The following POTEJ variants were observed in gnomAD, a reference collection of about 807,000 sequenced individuals.
POTEJ encodes the protein POTE ankyrin domain family, member J.
In POTEJ, 11 loss-of-function variants were observed where a neutral mutation model predicts 69.0. The ratio of observed to expected loss-of-function variants is 0.16; its 90% CI spans 0.10 to 0.26. The LOEUF (loss-of-function observed/expected upper bound fraction) is 0.26, where lower values mean the gene tolerates loss of function less well. Among genes scored for constraint, POTEJ ranks in the 10% least tolerant of loss-of-function variants. The pLI is 1.00. For missense variants in POTEJ, 327 were observed against 1,045.5 expected (o/e 0.31, Z 9.48); for synonymous variants, 117 against 381.1 (o/e 0.31, Z 8.07).
chr2:130,634,209 GC>G (rs1489183661), intron 9 of POTEJ, among the ~76,000 whole-genome samples: 1 of 152,220 alleles, frequency 6.6e-6, no homozygotes, highest in African/African-American at 2.4e-5. Flanking sequence ...GGAAGGTGCT[GC>G]AAGTGAAGTG....
At chr2:130,621,364 A>C (rs879874114) in intron 4 of POTEJ, 102 bp from the exon 5 acceptor site, 1 of 1,241,286 alleles carries the variant, frequency 8.1e-7, no homozygotes, top group South Asian at 1.6e-5. Context: ...AGTGCATGTA[A>C]ATGTTTGATT....
rs531320324 is a variant in POTEJ, at chr2:130,656,941, C to G, written c.2181C>G (p.Ile727Met). 9 of 1,603,774 alleles carry G rather than the reference C, an allele frequency of 5.6e-6. No individual in the cohort carries two copies. In the African/African-American group the frequency reaches 7.1e-5, roughly 13 times the overall value. Reference sequence around the variant, plus strand: ...AGGAGGCCCAGAGCAAGAGAGGCATCCTGACCCTGAAGTACCCCATGGAAC... The same window carrying G: ...AGGAGGCCCAGAGCAAGAGAGGCATGCTGACCCTGAAGTACCCCATGGAAC... ...VGKEAQSKRG[I>M]LTLKYPMEHG... The change falls in exon 15 of 15, where the codon ATC (isoleucine) becomes ATG (methionine). Residue 727 changes from isoleucine to methionine, a missense_variant. By Grantham distance (10) the Ile-to-Met change is conservative. Transcript: ENST00000409602.
At chr2:130,624,868 G>T (rs1424923365) in intron 6 of POTEJ, among the ~76,000 whole-genome samples, 1 of 152,112 alleles carries the variant, frequency 6.6e-6, no homozygotes. Flanking sequence ...GGAACAAGAT[G>T]TGTTCTCCTA....
chr2:130,632,052 G>A lies in POTEJ; in HGVS notation c.1132-438G>A, dbSNP rs557802411. 6.2e-5 allele frequency among the ~76,000 whole-genome samples: 9 copies of A among 145,220 alleles called. 1 individual carries two copies. The South Asian group carries it at 1.3e-3, about 20-fold the overall frequency. ...AAACTTCCTTTCTATTCCTGAAGCC[G>A]CACAGTGTGTCATCCTCTAAATCTG... On this transcript the variant is annotated intron_variant, in intron 8 of 14. Coordinates refer to ENST00000409602, the MANE Select transcript of POTEJ (RefSeq NM_001277083.2).
chr2:130,641,478 T>C lies in POTEJ; in HGVS notation c.1370-2505T>C, dbSNP rs913961532. On this transcript the variant is annotated intron_variant, in intron 10 of 14. Transcript: ENST00000409602. ...TTTTAAATAGAAGTCATTTTGTAAA[T>C]GTTTGTGTTCCCAGTGGCAGTGGGA... Among the ~76,000 whole-genome samples, 11 of 148,846 alleles carry C rather than the reference T, an allele frequency of 7.4e-5. 1 individual carries two copies. The highest frequency in any genetic ancestry group is 2.2e-4 in the African/African-American group (9 of 40,726).
chr2:130,649,485 A>T (rs1330738449), intron 13 of POTEJ, among the ~76,000 whole-genome samples: 4 of 151,586 alleles, frequency 2.6e-5, no homozygotes, highest in Admixed American at 6.6e-5. Flanking sequence ...TGCAGTTTAG[A>T]TGAGTGTCAT....
At chr2:130,615,585 C>A (rs544121018) in intron 1 of POTEJ, among the ~76,000 whole-genome samples, 1 of 140,592 alleles carries the variant, frequency 7.1e-6, no homozygotes, top group Non-Finnish European at 1.5e-5. Context: ...AGGGAAGGAA[C>A]ACACACTGGG....
At chr2:130,625,476 T>G (rs1473676692) in intron 6 of POTEJ, among the ~76,000 whole-genome samples, 1 of 151,940 alleles carries the variant, frequency 6.6e-6, no homozygotes, top group Non-Finnish European at 1.5e-5. Context: ...TTATTATATA[T>G]TGATTATGTG....
At chr2:130,633,729 C>G (rs935047735) in intron 9 of POTEJ, among the ~76,000 whole-genome samples, 10 of 142,986 alleles carry the variant, frequency 7.0e-5, no homozygotes, top group Non-Finnish European at 1.5e-4. Flanking sequence ...AAATATTGGA[C>G]CCTCAATCTG....
At position 130,625,067 on chromosome 2, in the gene POTEJ, A is replaced by G. The variant is rs1206256981; in HGVS notation, c.1015+933A>G. 8.5e-5 allele frequency among the ~76,000 whole-genome samples: 13 copies of G among 152,270 alleles called. No homozygotes were observed. In the East Asian group the frequency reaches 2.3e-3, roughly 27 times the overall value. On this transcript the variant is annotated intron_variant, in intron 6 of 14. Transcript: ENST00000409602. ...TGCTACCTGGTTGTGGACACCTAATACATTATATAGTCCAAACTGTATGAG... is the reference window on the plus strand; with the variant it reads ...TGCTACCTGGTTGTGGACACCTAATGCATTATATAGTCCAAACTGTATGAG...
chr2:130,643,033 GT>G (rs1686449658), intron 10 of POTEJ, among the ~76,000 whole-genome samples: 1 of 148,996 alleles, frequency 6.7e-6, no homozygotes, highest in South Asian at 2.1e-4. Context: ...AACAAAGACT[GT>G]TTTTACAAAG....
rs188747320 is a variant in POTEJ at position 130,615,591 on chromosome 2, C to T, written c.411-1199C>T. ...GATACCTAGAGGGAAGGAACACACA[C>T]TGGGGCCTATCAGAGGGTGGAGGGT... On this transcript the variant is annotated intron_variant, in intron 1 of 14. Transcript: ENST00000409602. Among the ~76,000 whole-genome samples, 735 of 140,570 alleles carry T rather than the reference C, an allele frequency of 5.2e-3. 1 individual carries two copies. Among genetic ancestry groups the T allele is most frequent in the Non-Finnish European group, 7.8e-3 (510 of 65,344 alleles). 92.2% of individuals were successfully genotyped at this position (140,570 alleles called of 152,430 possible).
chr2:130,655,886 C>T (rs1454665308), intron 14 of POTEJ, among the ~76,000 whole-genome samples: 12 of 135,440 alleles, frequency 8.9e-5, no homozygotes, highest in Admixed American at 5.3e-4. Flanking sequence ...TTTTAAGAAT[C>T]GCGATCTTAA....
chr2:130,630,941 C>G (rs2105221880), intron 7 of POTEJ, among the ~76,000 whole-genome samples: 1 of 143,972 alleles, frequency 6.9e-6, no homozygotes, highest in East Asian at 1.9e-4. Flanking sequence ...GCCTACAATC[C>G]AGTTAGGAAT....
At position 130,647,021 on chromosome 2, in the gene POTEJ, A is replaced by T. The variant is rs1315026606; in HGVS notation, c.1667+711A>T. On this transcript the variant is annotated intron_variant, in intron 13 of 14. Transcript: ENST00000409602. ...GTATAGATATGTTATATGTATACTT[A>T]TGTATAAGGACATTTATTATAGTAT... Among the ~76,000 whole-genome samples, 17 of 150,246 alleles carry T rather than the reference A, an allele frequency of 1.1e-4. No individual in the cohort carries two copies. In the South Asian group the frequency reaches 3.3e-3, roughly 29 times the overall value.
upstream of POTEJ, chr2:130,611,424 T>A (rs1393989095): frequency 3.1e-5 from 16 of 516,370 alleles, no homozygotes; most frequent in Admixed American, 5.8e-4. Context: ...TGGGATTGAC[T>A]TTTCTCTTCA....
chr2:130,649,221 G>C lies in POTEJ; in HGVS notation c.1667+2911G>C, dbSNP rs1486658836. On this transcript the variant is annotated intron_variant, in intron 13 of 14. Coordinates refer to ENST00000409602, the MANE Select transcript of POTEJ (RefSeq NM_001277083.2). ...TGACATCTCTATTTGATTAGCTGTT[G>C]GGTATCACACACTTGTCAGATCCAA... Among the ~76,000 whole-genome samples the C allele has an allele frequency of 7.3e-5, 11 of 150,564 alleles. No individual in the cohort carries two copies. In the East Asian group the frequency reaches 1.5e-3, roughly 21 times the overall value.
rs1483790230 is a variant in POTEJ, at chr2:130,647,163, G to A, written c.1667+853G>A. On this transcript the variant is annotated intron_variant, in intron 13 of 14. Coordinates refer to ENST00000409602, the MANE Select transcript of POTEJ (RefSeq NM_001277083.2). ...TTTTAAAAAAATGAGGTTAGATGTA[G>A]GGTATACTGATTATTTCACAATTAA... is the stretch of plus-strand genomic sequence containing the variant. Among the ~76,000 whole-genome samples the A allele has an allele frequency of 4.4e-4, 66 of 150,696 alleles. 1 individual carries two copies. Among genetic ancestry groups the A allele is most frequent in the African/African-American group, 1.6e-3 (65 of 39,910 alleles).
rs199885708 is a variant in POTEJ at position 130,657,271 on chromosome 2, C to T, written c.2511C>T (p.Ala837=). The T allele has an allele frequency of 1.8e-5, 28 of 1,573,752 alleles. No homozygotes were observed. Among genetic ancestry groups the T allele is most frequent in the Non-Finnish European group, 2.4e-5 (28 of 1,152,096 alleles). Reference sequence around the variant, plus strand: ...ATGATGGGAATGCCCTCCCCCATGCCACCCTGCGCCTAGACCTGGCTGGGC... The same window carrying T: ...ATGATGGGAATGCCCTCCCCCATGCTACCCTGCGCCTAGACCTGGCTGGGC... ...PIYDGNALPH[A]TLRLDLAGRE... is the part of the protein sequence containing the mutation. Residue 837 remains alanine (A), a synonymous_variant, in exon 15 of 15, where the codon GCC becomes GCT. Transcript: ENST00000409602.
Sources: gnomAD v4.1 joint callset for allele counts (sites outside exome capture counted in the v4.1 genomes callset) on GRCh38, gnomAD v4.1.1 for gene constraint, MANE v1.5 for transcripts, NCBI Gene and HGNC (gene_info 2026-07-23, HGNC 2026-07-21) for gene names.